UHRF1: variants seen among roughly 807,000 people sequenced by gnomAD.
The protein encoded by UHRF1 is E3 ubiquitin-protein ligase UHRF1.
In UHRF1, 9 loss-of-function variants were observed where a neutral mutation model predicts 96.5. The ratio of observed to expected loss-of-function variants is 0.09; its 90% confidence interval spans 0.06 to 0.16. UHRF1 has a LOEUF of 0.16. Ranked by LOEUF, UHRF1 falls within the 10% of genes least tolerant of loss-of-function variation. UHRF1 has a pLI of 1.00. For synonymous variants in UHRF1, 455 were observed against 469.9 expected (o/e 0.97, Z 0.41); for missense variants, 626 against 1,131.1 (o/e 0.55, Z 6.40).
intron 15 of UHRF1, among the ~76,000 whole-genome samples, chr19:4,956,165 A>T (rs1238195405): frequency 6.6e-6 from 1 of 152,156 alleles, no homozygotes; most frequent in Non-Finnish European, 1.5e-5. Context: ...TCCTGACCTT[A>T]GGTGATCTGC....
chr19:4,961,585 G>C lies in UHRF1; in HGVS notation c.*782G>C, dbSNP rs2033987277. ...AGTCACGTGCAAGTGCCTTTGATTCGTTCCTTCTTTCTAAAGACGACAGTC... is the reference window on the plus strand; with the variant it reads ...AGTCACGTGCAAGTGCCTTTGATTCCTTCCTTCTTTCTAAAGACGACAGTC... On this transcript the variant is annotated 3_prime_UTR_variant, in exon 17 of 17. Coordinates refer to ENST00000650932, the MANE Select transcript of UHRF1 (RefSeq NM_001048201.3). The C allele has an allele frequency of 6.6e-6, 1 of 152,196 alleles. No individual in the cohort carries two copies. The highest frequency in any genetic ancestry group is 1.5e-5 in the Non-Finnish European group (1 of 67,942). 9.4% of individuals were successfully genotyped at this position (152,196 alleles called of 1,614,324 possible).
chr19:4,929,171 C>T, intron 2 of UHRF1, 51 bp from the exon 3 acceptor site: 1 of 1,576,814 alleles, frequency 6.3e-7, no homozygotes, highest in Non-Finnish European at 8.6e-7. Context: ...CCCACAGATG[C>T]CCACTTGGCA....
At chr19:4,921,977 A>T (rs1326306462) in intron 2 of UHRF1, among the ~76,000 whole-genome samples, 1 of 152,172 alleles carries the variant, frequency 6.6e-6, no homozygotes, top group Non-Finnish European at 1.5e-5. Flanking sequence ...TATTTATTTG[A>T]GACAGTCTCG....
intron 7 of UHRF1, among the ~76,000 whole-genome samples, chr19:4,942,307 C>A (rs1171057119): frequency 2.0e-5 from 3 of 152,242 alleles, no homozygotes; most frequent in African/African-American, 7.2e-5. Context: ...TCTCCTGCCT[C>A]AGCCTCCCGA....
At chr19:4,949,306 C>A (rs1467190094) in intron 11 of UHRF1, among the ~76,000 whole-genome samples, 3 of 152,122 alleles carry the variant, frequency 2.0e-5, no homozygotes, top group Admixed American at 1.3e-4. Flanking sequence ...CAAATTGGAA[C>A]CATCTTTCTG....
chr19:4,957,455 C>T (rs1338572175), intron 16 of UHRF1, among the ~76,000 whole-genome samples: 1 of 151,894 alleles, frequency 6.6e-6, no homozygotes, highest in Non-Finnish European at 1.5e-5. Flanking sequence ...ACTACAGGCG[C>T]CCGCCACCGT....
At position 4,930,730 on chromosome 19, in the gene UHRF1, C is replaced by T. The variant is rs372843452; in HGVS notation, c.423C>T (p.Val141=). The part of the protein sequence containing the change: ...ELGLYKVNEY[V]DARDTNMGAW... The stretch of plus-strand genomic sequence containing the variant: ...ATTCCTCACAGGTCAATGAGTACGT[C>T]GATGCTCGGGACACGAACATGGGGG... The change falls in exon 4 of 17, where the codon GTC becomes GTT. Residue 141 remains valine, a synonymous_variant. Transcript: ENST00000650932. This position sits in a 1 kb window ranked among gnomAD's most constrained non-coding sequence, Gnocchi z 4.4. 1.2e-5 allele frequency: 19 copies of T among 1,613,652 alleles called. No homozygotes were observed. Among genetic ancestry groups the T allele is most frequent in the African/African-American group, 5.3e-5 (4 of 74,894 alleles).
chr19:4,915,667 A>C lies in UHRF1; in HGVS notation c.153+4629A>C, dbSNP rs996585130. Among the ~76,000 whole-genome samples the C allele has an allele frequency of 1.3e-4, 20 of 152,042 alleles. 1 individual carries two copies. The highest frequency in any genetic ancestry group is 5.2e-4 in the Admixed American group (8 of 15,272). ...GGAGGTTGCAGTGAGCTGAGATCCC[A>C]CCACTGCACTCCAGCCTGGGCGACA... is the stretch of plus-strand genomic sequence containing the variant. On this transcript the variant is annotated intron_variant, in intron 2 of 16. Coordinates refer to ENST00000650932, the MANE Select transcript of UHRF1 (RefSeq NM_001048201.3).
At chr19:4,925,627 T>C (rs2032843401) in intron 2 of UHRF1, among the ~76,000 whole-genome samples, 1 of 152,142 alleles carries the variant, frequency 6.6e-6, no homozygotes, top group South Asian at 2.1e-4. Context: ...GTTCAAGCAA[T>C]TCTCCTGCCT....
rs985069179 is a variant in UHRF1, at chr19:4,947,490, C to CTTTTTTT, written c.1517+302_1517+308dup. On this transcript the variant is annotated intron_variant, in intron 11 of 16. Coordinates refer to ENST00000650932, the MANE Select transcript of UHRF1 (RefSeq NM_001048201.3). ...CTATAAAAGGCCAGATAATAGATATCTTTTTTTTTTTTTTTTTTTTTTTTT... is the reference window on the plus strand; with the variant it reads ...CTATAAAAGGCCAGATAATAGATATCTTTTTTTTTTTTTTTTTTTTTTTTTTTTTTTT... 2.9e-3 allele frequency among the ~76,000 whole-genome samples: 165 copies of CTTTTTTT among 57,888 alleles called. 32 individuals carry two copies. Among genetic ancestry groups the CTTTTTTT allele is most frequent in the African/African-American group, 8.2e-3 (123 of 14,974 alleles). 38.0% of individuals were successfully genotyped at this position (57,888 alleles called of 152,430 possible).
At chr19:4,941,676 C>T (rs775462695) in intron 6 of UHRF1, 48 bp downstream of exon 6, 12 of 1,582,152 alleles carry the variant, frequency 7.6e-6, no homozygotes, top group Admixed American at 3.6e-5. Flanking sequence ...GGGCACGGGG[C>T]GGGGGCTCTT....
chr19:4,959,843 G>A (rs542965365), intron 16 of UHRF1, among the ~76,000 whole-genome samples: 3 of 151,516 alleles, frequency 2.0e-5, no homozygotes, highest in South Asian at 4.2e-4. Context: ...GAGTAGCCAC[G>A]CCCGGCTAAT....
chr19:4,911,056 A>C lies in UHRF1; in HGVS notation c.153+18A>C. Reference sequence around the variant, plus strand: ...GCAAACAGGTACACCCGCCGCCAGCACCTTTGTTCTATGCCTGGTCCAGGC... The same window carrying C: ...GCAAACAGGTACACCCGCCGCCAGCCCCTTTGTTCTATGCCTGGTCCAGGC... On this transcript the variant is annotated intron_variant, in intron 2 of 16. Transcript: ENST00000650932. 1 of 1,556,594 alleles carries C rather than the reference A, an allele frequency of 6.4e-7. No individual in the cohort carries two copies. Among genetic ancestry groups the C allele is most frequent in the Non-Finnish European group, 8.7e-7 (1 of 1,146,310 alleles).
intron 2 of UHRF1, among the ~76,000 whole-genome samples, chr19:4,911,701 A>G (rs1025146041): frequency 8.5e-5 from 13 of 152,092 alleles, no homozygotes; most frequent in African/African-American, 3.1e-4. Flanking sequence ...CATAGCTGCC[A>G]CGTTTGGGGC....
chr19:4,910,554 G>A (rs887889473), intron 1 of UHRF1: 1 of 272,086 alleles, frequency 3.7e-6, no homozygotes. Flanking sequence ...GAACCAACTC[G>A]GCCACTTGGC....
intron 7 of UHRF1, among the ~76,000 whole-genome samples, chr19:4,943,507 C>CCA (rs1555752760): frequency 2.0e-5 from 3 of 151,054 alleles, no homozygotes; most frequent in African/African-American, 2.4e-5. Flanking sequence ...CCCCCCTCCC[C>CCA]ACATCGTAGA....
In UHRF1 at chr19:4,958,961, C is replaced by CAAA. The variant is rs750693594; in HGVS notation, c.2236-1680_2236-1678dup. Among the ~76,000 whole-genome samples the CAAA allele has an allele frequency of 9.2e-4, 82 of 89,326 alleles. 2 individuals carry two copies. The South Asian group carries it at 0.029, about 32-fold the overall frequency. The allele number at this position is 89,326 out of a possible 152,430, so 58.6% of individuals were successfully genotyped here. ...TGGGCGTCAGAGCAAGATTCTGTCT[C>CAAA]AAAAAAAAAAAAAAAAAATTGAAAA... On this transcript the variant is annotated intron_variant, in intron 16 of 16. Transcript: ENST00000650932.
chr19:4,916,293 G>A (rs544480180), intron 2 of UHRF1, among the ~76,000 whole-genome samples: 11 of 148,994 alleles, frequency 7.4e-5, no homozygotes, highest in African/African-American at 2.8e-4. Flanking sequence ...GAGACAGAGC[G>A]AGACTTTGTC....
At chr19:4,918,890 T>A (rs2032611369) in intron 2 of UHRF1, among the ~76,000 whole-genome samples, 1 of 151,688 alleles carries the variant, frequency 6.6e-6, no homozygotes, top group African/African-American at 2.4e-5. Flanking sequence ...CCTGGCTGAT[T>A]TTAAACATTT....
Sources: gnomAD v4.1 joint callset for allele counts (sites outside exome capture counted in the v4.1 genomes callset) on GRCh38, gnomAD v4.1.1 for gene constraint, Gnocchi (gnomAD v3.1) non-coding constraint, MANE v1.5 for transcripts, NCBI Gene and HGNC (gene_info 2026-07-23, HGNC 2026-07-21) for gene names.